The following DCDC2 variants were observed in gnomAD, a reference collection of about 807,000 sequenced individuals.
DCDC2 encodes the protein doublecortin domain containing 2, also known as doublecortin domain-containing protein 2.
In DCDC2, 40 loss-of-function variants were observed where a neutral mutation model predicts 50.2. The observed-to-expected ratio is 0.80, with a 90% CI of 0.62 to 1.04. The LOEUF (loss-of-function observed/expected upper bound fraction) is 1.04. DCDC2 is among the 50% of genes least tolerant of loss of function. The pLI is 0.00. For synonymous variants in DCDC2, 234 were observed against 210.6 expected (o/e 1.11, Z -0.96); for missense variants, 570 against 581.9 (o/e 0.98, Z 0.21).
the DCDC2 span, among the ~76,000 whole-genome samples, chr6:24,371,208 C>A: frequency 7.2e-6 from 1 of 138,326 alleles, no homozygotes; most frequent in Non-Finnish European, 1.5e-5. Context: ...ACCCAGGAGG[C>A]GGAGGTTGCA....
chr6:24,320,850 G>A (rs957068944), intron 2 of DCDC2, among the ~76,000 whole-genome samples: 3 of 151,824 alleles, frequency 2.0e-5, no homozygotes, highest in Non-Finnish European at 4.4e-5. Context: ...TCCAATAAAA[G>A]GGACTAGAGA....
At chr6:24,187,630 C>G (rs1761233828) in intron 8 of DCDC2, among the ~76,000 whole-genome samples, 2 of 152,202 alleles carry the variant, frequency 1.3e-5, no homozygotes, top group Non-Finnish European at 1.5e-5. Context: ...TGGAGGTCTT[C>G]TGGAAGTTTC....
intron 2 of DCDC2, among the ~76,000 whole-genome samples, chr6:24,334,047 C>T (rs990820898): frequency 1.3e-5 from 2 of 152,132 alleles, no homozygotes; most frequent in Non-Finnish European, 2.9e-5. Context: ...CAAACAAAAC[C>T]GGCTTCTAGT....
chr6:24,231,623 T>C (rs1464291746), intron 7 of DCDC2, among the ~76,000 whole-genome samples: 1 of 152,016 alleles, frequency 6.6e-6, no homozygotes, highest in African/African-American at 2.4e-5. Context: ...AGGAAACCTT[T>C]ATCTGAAGGG....
chr6:24,281,922 G>A (rs1325660935), intron 6 of DCDC2, among the ~76,000 whole-genome samples: 1 of 151,782 alleles, frequency 6.6e-6, no homozygotes, highest in Non-Finnish European at 1.5e-5. Context: ...ACTTTCTAAG[G>A]GTCTGATTTT....
chr6:24,336,629 A>G (rs1760061160), intron 2 of DCDC2, among the ~76,000 whole-genome samples: 1 of 152,148 alleles, frequency 6.6e-6, no homozygotes, highest in Admixed American at 6.5e-5. Context: ...AAGCATTTAC[A>G]TTTACATTTA....
At chr6:24,359,060 CAT>C (rs1491457015), upstream of DCDC2, among the ~76,000 whole-genome samples, 8 of 12,306 alleles carry the variant, frequency 6.5e-4, no homozygotes, top group Non-Finnish European at 9.2e-4. Flanking sequence ...TTTTATATAT[CAT>C]ATATATTATA....
intron 1 of DCDC2, among the ~76,000 whole-genome samples, chr6:24,354,108 G>A (rs554164689): frequency 1.3e-5 from 2 of 152,278 alleles, no homozygotes; most frequent in African/African-American, 4.8e-5. Context: ...CATGTGGGAT[G>A]ACTTTGGTAA....
chr6:24,293,299 T>A (rs1322656214), intron 4 of DCDC2, among the ~76,000 whole-genome samples: 1 of 152,196 alleles, frequency 6.6e-6, no homozygotes, highest in Non-Finnish European at 1.5e-5. Context: ...CTTTCTTCTT[T>A]TGCTACAAAC....
At chr6:24,281,937 C>G (rs1055588417) in intron 6 of DCDC2, among the ~76,000 whole-genome samples, 1 of 152,170 alleles carries the variant, frequency 6.6e-6, no homozygotes, top group African/African-American at 2.4e-5. Context: ...GATTTTTCTA[C>G]TACACTGAAA....
rs370671493 is a variant in DCDC2 at position 24,326,637 on chromosome 6, G to A, written c.349-24593C>T. Among the ~76,000 whole-genome samples, 4 of 148,712 alleles carry A rather than the reference G, an allele frequency of 2.7e-5. 1 individual carries two copies. In the East Asian group the frequency reaches 6.9e-4, roughly 26 times the overall value. ...TTTGGGAGGCCGAGGCATGTGGGTC[G>A]CTTAAGTCCAAGAGTTCAAGACCAG... On this transcript the variant is annotated intron_variant, in intron 2 of 9. Coordinates refer to ENST00000378454, the MANE Select transcript of DCDC2 (RefSeq NM_016356.5).
intron 9 of DCDC2, 144 bp downstream of exon 9, chr6:24,178,186 G>A: frequency 3.8e-6 from 3 of 790,298 alleles, no homozygotes; most frequent in Non-Finnish European, 6.2e-6. Flanking sequence ...TAAGTAAAGG[G>A]ATTAAATGGT....
chr6:24,233,932 C>A (rs887196452), intron 7 of DCDC2, among the ~76,000 whole-genome samples: 8 of 152,138 alleles, frequency 5.3e-5, no homozygotes, highest in African/African-American at 1.9e-4. Context: ...TACTGAGTAT[C>A]TACTAAATGC....
At chr6:24,302,507 A>G (rs1184947533) in intron 2 of DCDC2, among the ~76,000 whole-genome samples, 1 of 151,140 alleles carries the variant, frequency 6.6e-6, no homozygotes. Flanking sequence ...GCCTGACCCC[A>G]CCCTTTTCTC....
chr6:24,305,816 T>C (rs1287289035), intron 2 of DCDC2, among the ~76,000 whole-genome samples: 1 of 151,972 alleles, frequency 6.6e-6, no homozygotes. Flanking sequence ...TCACCTGAGG[T>C]CAGGAGTTCG....
intron 7 of DCDC2, among the ~76,000 whole-genome samples, chr6:24,238,588 T>A (rs905750398): frequency 1.3e-5 from 2 of 152,068 alleles, no homozygotes; most frequent in African/African-American, 4.8e-5. Flanking sequence ...TGTGAGCCAC[T>A]GCACCAGGCC....
At chr6:24,321,114 T>A (rs978554839) in intron 2 of DCDC2, among the ~76,000 whole-genome samples, 1 of 152,020 alleles carries the variant, frequency 6.6e-6, no homozygotes, top group Admixed American at 6.6e-5. Flanking sequence ...TCCATACTGA[T>A]GCAAATAAAT....
chr6:24,233,513 A>G (rs2113785058), intron 7 of DCDC2, among the ~76,000 whole-genome samples: 1 of 152,342 alleles, frequency 6.6e-6, no homozygotes, highest in East Asian at 1.9e-4. Flanking sequence ...ATTTCTTAAA[A>G]TATCACAGAG....
At chr6:24,272,295 G>A (rs1305176989) in intron 7 of DCDC2, among the ~76,000 whole-genome samples, 1 of 152,064 alleles carries the variant, frequency 6.6e-6, no homozygotes, top group Non-Finnish European at 1.5e-5. Context: ...AGAAATTTGT[G>A]GCACAATATA....
Sources: gnomAD v4.1 joint callset for allele counts (sites outside exome capture counted in the v4.1 genomes callset) on GRCh38, gnomAD v4.1.1 for gene constraint, MANE v1.5 for transcripts, NCBI Gene and HGNC (gene_info 2026-07-23, HGNC 2026-07-21) for gene names.